Variants in RNF38 observed in about 807,000 individuals in gnomAD.
The protein encoded by RNF38 is ring finger protein 38.
RNF38 carries 15 observed loss-of-function variants against 67.2 expected under a neutral mutation model. That is an observed-to-expected ratio of 0.22 (90% CI 0.15 to 0.34). RNF38 has a LOEUF of 0.34. RNF38 is among the 10% of genes least tolerant of loss of function. The probability of loss-of-function intolerance (pLI) is 1.00; values close to 1 mark genes in which losing one functional copy is unlikely to be tolerated. For synonymous variants in RNF38, 220 were observed against 218.8 expected (o/e 1.01, Z -0.05); for missense variants, 524 against 639.9 (o/e 0.82, Z 1.95).
rs536884518 is a variant in RNF38, at chr9:36,382,526, T to C, written c.163-6399A>G. On this transcript the variant is annotated intron_variant, in intron 2 of 11. Transcript: ENST00000259605. ...AAGGCTAAAGAAAAACAATTTTATATGTAATATATATCTTGGGTTTATATA... is the reference window on the plus strand; with the variant it reads ...AAGGCTAAAGAAAAACAATTTTATACGTAATATATATCTTGGGTTTATATA... 1.2e-4 allele frequency among the ~76,000 whole-genome samples: 19 copies of C among 152,330 alleles called. 1 individual carries two copies. The South Asian group carries it at 3.7e-3, about 30-fold the overall frequency.
intron 1 of RNF38, among the ~76,000 whole-genome samples, chr9:36,391,422 T>G (rs1266583253): frequency 1.3e-5 from 2 of 152,208 alleles, no homozygotes; most frequent in Admixed American, 6.5e-5. Context: ...TGTGTTCCAC[T>G]GTGCTGTGAC....
chr9:36,434,313 G>C (rs1363544926), intron 1 of RNF38, among the ~76,000 whole-genome samples: 1 of 123,012 alleles, frequency 8.1e-6, no homozygotes. Flanking sequence ...GAGCAGGAGG[G>C]GGAGGGGGAT....
rs1476581534 is a variant in RNF38 at position 36,423,699 on chromosome 9, C to T, written n.312+914G>A. ...GCGCGGTGGCTCACGCCTGTAATCC[C>T]AGCACTTTGGGAGGCCGAGGCGGGC... On this transcript the variant is annotated intron_variant and non_coding_transcript_variant, in intron 2 of 3. Transcript: ENST00000488058. 1.2e-4 allele frequency among the ~76,000 whole-genome samples: 3 copies of T among 25,770 alleles called. 1 individual carries two copies. Among genetic ancestry groups the T allele is most frequent in the African/African-American group, 2.5e-4 (2 of 8,010 alleles). 16.9% of individuals were successfully genotyped at this position (25,770 alleles called of 152,430 possible).
chr9:36,450,056 T>G (rs1045978911), intron 1 of RNF38, among the ~76,000 whole-genome samples: 1 of 152,166 alleles, frequency 6.6e-6, no homozygotes, highest in Non-Finnish European at 1.5e-5. Context: ...ATCCCTTTCT[T>G]TTGTATTTTT....
intron 1 of RNF38, among the ~76,000 whole-genome samples, chr9:36,452,277 G>A (rs1247635243): frequency 6.6e-6 from 1 of 151,980 alleles, no homozygotes; most frequent in Non-Finnish European, 1.5e-5. Context: ...TCACTGGGTT[G>A]TTCATCAGTC....
chr9:36,355,327 C>T (rs1031404239), intron 6 of RNF38, among the ~76,000 whole-genome samples: 1 of 152,202 alleles, frequency 6.6e-6, no homozygotes, highest in African/African-American at 2.4e-5. Flanking sequence ...GGTCTTGATG[C>T]TGAACCTGGC....
chr9:36,466,920 GTA>G (rs1410218830), intron 1 of RNF38, among the ~76,000 whole-genome samples: 1 of 151,060 alleles, frequency 6.6e-6, no homozygotes, highest in Non-Finnish European at 1.5e-5. Context: ...GCTCACACCT[GTA>G]ATCACAGCAC....
chr9:36,456,912 T>C (rs1839608347), intron 1 of RNF38, among the ~76,000 whole-genome samples: 1 of 152,142 alleles, frequency 6.6e-6, no homozygotes, highest in Admixed American at 6.6e-5. Flanking sequence ...GCTTTATAGA[T>C]AAGCAAAAAG....
intron 1 of RNF38, among the ~76,000 whole-genome samples, chr9:36,443,257 G>A (rs909228424): frequency 3.9e-5 from 6 of 152,184 alleles, no homozygotes; most frequent in African/African-American, 1.4e-4. Flanking sequence ...AACACTGTGA[G>A]CCAGATAATA....
At chr9:36,391,461 C>T (rs947430368) in intron 1 of RNF38, among the ~76,000 whole-genome samples, 9 of 151,810 alleles carry the variant, frequency 5.9e-5, no homozygotes, top group South Asian at 2.1e-4. Flanking sequence ...GGTTAAGGCT[C>T]GTGGTCCCTT....
chr9:36,461,166 G>C (rs1305227475), intron 1 of RNF38, among the ~76,000 whole-genome samples: 1 of 152,112 alleles, frequency 6.6e-6, no homozygotes, highest in Non-Finnish European at 1.5e-5. Context: ...GGTGAGCCAA[G>C]GCTGCACCAC....
rs532400596 is a variant in RNF38 at position 36,461,743 on chromosome 9, A to G, written n.241+25565T>C. 4.0e-4 allele frequency among the ~76,000 whole-genome samples: 61 copies of G among 152,194 alleles called. 1 individual carries two copies. Among genetic ancestry groups the G allele is most frequent in the Admixed American group, 8.5e-4 (13 of 15,272 alleles). On this transcript the variant is annotated intron_variant and non_coding_transcript_variant, in intron 1 of 3. Coordinates refer to the RNF38 transcript ENST00000488058. Reference sequence around the variant, plus strand: ...TGGTGGGGAGTGGTGTGTAAGAAAAACAAAGGTGCCAAAAATGACTCCTAG... The same window carrying G: ...TGGTGGGGAGTGGTGTGTAAGAAAAGCAAAGGTGCCAAAAATGACTCCTAG...
intron 3 of RNF38, among the ~76,000 whole-genome samples, chr9:36,370,684 T>C (rs1188111327): frequency 2.0e-5 from 3 of 152,086 alleles, no homozygotes; most frequent in Non-Finnish European, 4.4e-5. Context: ...GGCAGGTGGA[T>C]CCCTTGAGCC....
At chr9:36,401,150 G>A (rs1040633213), upstream of RNF38, 3 of 984,790 alleles carry the variant, frequency 3.0e-6, no homozygotes, top group Non-Finnish European at 3.6e-6. Flanking sequence ...TTTCCCCCAG[G>A]CTCCGCACCG....
At chr9:36,356,521 A>G in intron 5 of RNF38, 48 bp from the exon 6 acceptor site, 1 of 1,455,418 alleles carries the variant, frequency 6.9e-7, no homozygotes, top group Non-Finnish European at 9.2e-7. Context: ...AGAATATATG[A>G]TTAATTTAAA....
At chr9:36,398,248 G>A (rs2243808) in intron 1 of RNF38, among the ~76,000 whole-genome samples, 8,215 of 152,088 alleles carry the variant, frequency 0.054, 706 homozygotes, top group African/African-American at 0.18. Flanking sequence ...TAGAAGAGGT[G>A]AAAAGTTCAG....
At chr9:36,371,099 G>A (rs887590948) in intron 3 of RNF38, among the ~76,000 whole-genome samples, 5 of 152,212 alleles carry the variant, frequency 3.3e-5, no homozygotes, top group African/African-American at 1.2e-4. Flanking sequence ...CATTAAAACT[G>A]TACTCTACAT....
At chr9:36,425,552 C>T (rs918343193) in intron 1 of RNF38, among the ~76,000 whole-genome samples, 3 of 151,926 alleles carry the variant, frequency 2.0e-5, no homozygotes, top group African/African-American at 4.8e-5. Context: ...AAATTAGCCA[C>T]GCGTGGTGGC....
intron 7 of RNF38, 55 bp from the exon 8 acceptor site, chr9:36,352,903 G>A: frequency 8.3e-7 from 1 of 1,204,558 alleles, no homozygotes; most frequent in Non-Finnish European, 1.2e-6. Context: ...CAAATAGCCT[G>A]TCAAATAAAG....
Sources: allele counts gnomAD v4.1 joint callset (sites outside exome capture counted in the v4.1 genomes callset), GRCh38; gene constraint gnomAD v4.1.1; transcripts MANE v1.5; gene names NCBI Gene and HGNC (gene_info 2026-07-23, HGNC 2026-07-21).